The following TANK variants were observed in gnomAD, a reference collection of about 807,000 sequenced individuals.
TANK encodes the protein TRAF family member associated NFKB activator.
Under a neutral mutation model 43.6 loss-of-function variants are expected in TANK, and 15 were observed. The ratio of observed to expected loss-of-function variants is 0.34; its 90% CI spans 0.23 to 0.53. The LOEUF (loss-of-function observed/expected upper bound fraction) is 0.53, where lower values mean the gene tolerates loss of function less well. Ranked by LOEUF, TANK falls within the 20% of genes least tolerant of loss-of-function variation. TANK has a pLI of 0.94. For synonymous variants in TANK, 162 were observed against 178.2 expected, an observed-to-expected ratio of 0.91 and a Z score of 0.73; for missense variants, 417 against 498.6, an observed-to-expected ratio of 0.84 and a Z score of 1.56.
chr2:161,190,226 C>T (rs1433560300), intron 2 of TANK, among the ~76,000 whole-genome samples: 1 of 152,120 alleles, frequency 6.6e-6, no homozygotes, highest in African/African-American at 2.4e-5. Flanking sequence ...TGCTCAGCAT[C>T]CCTATTCATT....
intron 1 of TANK, among the ~76,000 whole-genome samples, chr2:161,145,850 T>C (rs1444985795): frequency 1.3e-5 from 2 of 152,004 alleles, no homozygotes; most frequent in Admixed American, 6.5e-5. Context: ...CTGTATTTCC[T>C]GAATTTGAAT....
chr2:161,208,154 A>G, intron 4 of TANK: 1 of 985,274 alleles, frequency 1.0e-6, no homozygotes, highest in Non-Finnish European at 1.2e-6. Flanking sequence ...TGAGAAGGGA[A>G]AGACTTGTGG....
upstream of TANK, among the ~76,000 whole-genome samples, chr2:161,156,821 A>G (rs1477886742): frequency 2.6e-5 from 4 of 152,218 alleles, no homozygotes; most frequent in African/African-American, 9.6e-5. Flanking sequence ...ATTTTACTAT[A>G]AAGAGAAGAA....
intron 2 of TANK, among the ~76,000 whole-genome samples, chr2:161,189,270 G>A (rs921020074): frequency 1.3e-5 from 2 of 152,052 alleles, no homozygotes; most frequent in Non-Finnish European, 2.9e-5. Context: ...AATATACCAC[G>A]TTAACAGGAT....
chr2:161,191,376 T>A (rs1308435112), intron 2 of TANK, among the ~76,000 whole-genome samples: 2 of 152,194 alleles, frequency 1.3e-5, no homozygotes, highest in African/African-American at 4.8e-5. Flanking sequence ...AGTAATTGGG[T>A]ATATATCCTT....
At chr2:161,141,973 C>T (rs532411541) in intron 1 of TANK, among the ~76,000 whole-genome samples, 1 of 152,236 alleles carries the variant, frequency 6.6e-6, no homozygotes, top group South Asian at 2.1e-4. Context: ...CCTATTTCTC[C>T]AAAGCCTCGT....
chr2:161,234,300 A>G (rs979141744), intron 7 of TANK, among the ~76,000 whole-genome samples: 1 of 152,236 alleles, frequency 6.6e-6, no homozygotes, highest in African/African-American at 2.4e-5. Flanking sequence ...CTTTAAAAAC[A>G]TATTAGTAAT....
intron 4 of TANK, among the ~76,000 whole-genome samples, chr2:161,214,588 G>A (rs1470230202): frequency 6.6e-6 from 1 of 151,056 alleles, no homozygotes; most frequent in Non-Finnish European, 1.5e-5. Context: ...AGTCATACTC[G>A]GGCACCAGCA....
At chr2:161,181,296 T>C (rs1332212359) in intron 2 of TANK, among the ~76,000 whole-genome samples, 2 of 152,186 alleles carry the variant, frequency 1.3e-5, no homozygotes, top group Non-Finnish European at 2.9e-5. Flanking sequence ...GGCACATGCC[T>C]TTAATCCCAG....
rs978801325 is a variant in TANK, at chr2:161,219,989, T to C, written c.328-3926T>C. 1.4e-5 allele frequency: 3 copies of C among 210,708 alleles called. No individual in the cohort carries two copies. In the Admixed American group the frequency reaches 1.7e-4, roughly 12 times the overall value. 13.1% of individuals were successfully genotyped at this position (210,708 alleles called of 1,614,324 possible). On this transcript the variant is annotated intron_variant, in intron 4 of 7. Transcript: ENST00000392749. ...ATCCCATCCCACCTTGGCTTACTTC[T>C]TGGTTTACATTGATCCAAGTAAGGA...
chr2:161,164,342 A>G (rs1002113613), intron 1 of TANK, among the ~76,000 whole-genome samples: 1 of 152,112 alleles, frequency 6.6e-6, no homozygotes, highest in African/African-American at 2.4e-5. Flanking sequence ...CGTAAAGCCT[A>G]GTTTTAGTTT....
chr2:161,170,728 G>C (rs769789575), intron 1 of TANK, among the ~76,000 whole-genome samples: 21 of 152,160 alleles, frequency 1.4e-4, no homozygotes, highest in Non-Finnish European at 2.8e-4. Flanking sequence ...ATGTCCTACA[G>C]CCTGACTCTA....
At chr2:161,164,065 T>C (rs1454754519) in intron 1 of TANK, among the ~76,000 whole-genome samples, 1 of 152,190 alleles carries the variant, frequency 6.6e-6, no homozygotes, top group Non-Finnish European at 1.5e-5. Flanking sequence ...ATTATGTGAA[T>C]GCGTGGGTAT....
Position 161,203,577 on chromosome 2 carries a change from C to CGT in TANK, c.190_191insGT (p.Leu64ArgfsTer3). ...TGACAAGCTAAAATCTCAGTTACTTCTTGTGAATTCCACTCAAGGTATGTT... is the reference window on the plus strand; with the variant it reads ...TGACAAGCTAAAATCTCAGTTACTTCGTTTGTGAATTCCACTCAAGGTATGTT... On this transcript the variant is annotated frameshift_variant, in exon 3 of 8. Transcript: ENST00000392749. LOFTEE classifies it high-confidence loss of function. 1 of 1,608,418 alleles carries CGT rather than the reference C, an allele frequency of 6.2e-7. No homozygotes were observed. The highest frequency in any genetic ancestry group is 8.5e-7 in the Non-Finnish European group (1 of 1,176,744).
chr2:161,233,421 T>A (rs552500541), intron 7 of TANK, among the ~76,000 whole-genome samples: 20 of 152,154 alleles, frequency 1.3e-4, no homozygotes, highest in African/African-American at 4.6e-4. Context: ...AATTTTTTTT[T>A]TAAAAAAATC....
At chr2:161,174,524 TATATG>T (rs1685094431) in intron 1 of TANK, among the ~76,000 whole-genome samples, 1 of 152,220 alleles carries the variant, frequency 6.6e-6, no homozygotes, top group Admixed American at 6.5e-5. Context: ...TGTTTTTAAA[TATATG>T]ATATCATTTA....
intron 1 of TANK, among the ~76,000 whole-genome samples, chr2:161,172,040 A>C (rs1055778895): frequency 2.0e-5 from 3 of 152,198 alleles, no homozygotes; most frequent in Non-Finnish European, 4.4e-5. Context: ...CTTGCATTCA[A>C]ATACTCTGCC....
At chr2:161,218,697 A>G (rs1409955727) in intron 4 of TANK, among the ~76,000 whole-genome samples, 3 of 152,252 alleles carry the variant, frequency 2.0e-5, no homozygotes, top group Middle Eastern at 3.2e-3. Flanking sequence ...CAGTTAAATA[A>G]GTAATACATG....
intron 2 of TANK, among the ~76,000 whole-genome samples, chr2:161,197,147 A>G (rs1686188701): frequency 1.3e-5 from 2 of 152,244 alleles, no homozygotes; most frequent in African/African-American, 4.8e-5. Context: ...CTTTGTACAT[A>G]TCTGTACGTA....
Sources: allele counts gnomAD v4.1 joint callset (sites outside exome capture counted in the v4.1 genomes callset), GRCh38; gene constraint gnomAD v4.1.1; transcripts MANE v1.5; gene names NCBI Gene and HGNC (gene_info 2026-07-23, HGNC 2026-07-21).